Variants in SAMMSON observed in about 807,000 individuals in gnomAD.
The protein encoded by SAMMSON is long intergenic non-protein coding RNA 1212.
intron 3 of SAMMSON, among the ~76,000 whole-genome samples, chr3:70,059,471 C>T (rs2067179576): frequency 6.6e-6 from 1 of 152,066 alleles, no homozygotes; most frequent in Admixed American, 6.6e-5. Flanking sequence ...TCCCCAAAGA[C>T]AGAGAACCAG....
chr3:70,286,743 G>C (rs1014508042), intron 6 of SAMMSON, among the ~76,000 whole-genome samples: 17 of 152,144 alleles, frequency 1.1e-4, no homozygotes, highest in Non-Finnish European at 1.9e-4. Context: ...CTTGAGCAGT[G>C]GTTTGTAGTT....
intron 7 of SAMMSON, among the ~76,000 whole-genome samples, chr3:70,328,454 G>A (rs1396736216): frequency 3.3e-5 from 5 of 152,180 alleles, no homozygotes; most frequent in Non-Finnish European, 5.9e-5. Flanking sequence ...GCCTGGGCAT[G>A]AGGAGAAACA....
At chr3:70,080,204 A>G (rs1315748749) in intron 4 of SAMMSON, among the ~76,000 whole-genome samples, 2 of 152,232 alleles carry the variant, frequency 1.3e-5, no homozygotes, top group African/African-American at 4.8e-5. Context: ...AGGCCAAACG[A>G]GTTGTACAAC....
At chr3:70,141,033 T>C (rs573697991) in intron 4 of SAMMSON, among the ~76,000 whole-genome samples, 118 of 152,244 alleles carry the variant, frequency 7.8e-4, no homozygotes, top group African/African-American at 2.6e-3. Flanking sequence ...GTTTTTGTTT[T>C]TATTTTCTTT....
At chr3:70,139,707 G>A (rs1320898059) in intron 4 of SAMMSON, among the ~76,000 whole-genome samples, 1 of 152,118 alleles carries the variant, frequency 6.6e-6, no homozygotes, top group Admixed American at 6.5e-5. Flanking sequence ...GAAATTGCTC[G>A]GCCCCCTGGG....
intron 4 of SAMMSON, chr3:70,204,374 G>C (rs1223392258): frequency 2.0e-5 from 3 of 152,134 alleles, no homozygotes; most frequent in Non-Finnish European, 2.9e-5. Flanking sequence ...AATGGAGTGA[G>C]TCTGACTTAA....
chr3:70,195,639 C>T (rs1262943401), intron 4 of SAMMSON, among the ~76,000 whole-genome samples: 1 of 152,174 alleles, frequency 6.6e-6, no homozygotes, highest in Non-Finnish European at 1.5e-5. Flanking sequence ...AAAAAATTCC[C>T]TCAATTCTCC....
intron 4 of SAMMSON, among the ~76,000 whole-genome samples, chr3:70,105,854 C>A (rs2067365503): frequency 6.6e-6 from 1 of 152,114 alleles, no homozygotes; most frequent in Non-Finnish European, 1.5e-5. Context: ...ACACTCGAAT[C>A]AAACAATTTG....
At chr3:70,027,207 G>A (rs1041058198) in intron 3 of SAMMSON, among the ~76,000 whole-genome samples, 7 of 152,190 alleles carry the variant, frequency 4.6e-5, no homozygotes, top group African/African-American at 9.7e-5. Context: ...GTAATGGAGA[G>A]GGAAGCATTG....
At chr3:70,420,014 C>T (rs1160352639) in intron 2 of SAMMSON, among the ~76,000 whole-genome samples, 2 of 152,246 alleles carry the variant, frequency 1.3e-5, no homozygotes, top group East Asian at 3.9e-4. Context: ...TAACAATTTC[C>T]CAAAAACTCT....
intron 4 of SAMMSON, among the ~76,000 whole-genome samples, chr3:70,164,263 G>T (rs981012315): frequency 1.3e-5 from 2 of 151,848 alleles, no homozygotes; most frequent in Non-Finnish European, 1.5e-5. Flanking sequence ...TAATTTTTCT[G>T]AACCACAGTT....
intron 3 of SAMMSON, among the ~76,000 whole-genome samples, chr3:70,029,859 T>G (rs1337121502): frequency 6.6e-6 from 1 of 152,112 alleles, no homozygotes; most frequent in African/African-American, 2.4e-5. Context: ...TTGGTTGAAA[T>G]CCTTGCTTTT....
intron 7 of SAMMSON, among the ~76,000 whole-genome samples, chr3:70,305,995 T>C (rs932727547): frequency 6.6e-6 from 1 of 152,224 alleles, no homozygotes; most frequent in Admixed American, 6.5e-5. Flanking sequence ...ATAACCATGA[T>C]AACCAGTGTA....
At chr3:70,332,905 A>C (rs538871164) in intron 7 of SAMMSON, 1 of 152,346 alleles carries the variant, frequency 6.6e-6, no homozygotes, top group African/African-American at 2.4e-5. Flanking sequence ...GCACCAGGTA[A>C]GTTCTTAACA....
intron 9 of SAMMSON, among the ~76,000 whole-genome samples, chr3:70,384,467 T>C (rs1166733150): frequency 3.3e-5 from 5 of 151,974 alleles, no homozygotes; most frequent in Non-Finnish European, 7.4e-5. Flanking sequence ...CAGTCTTTAG[T>C]TGAGGTATTT....
chr3:70,081,933 G>T (rs2067269392), intron 4 of SAMMSON, among the ~76,000 whole-genome samples: 1 of 152,200 alleles, frequency 6.6e-6, no homozygotes, highest in Non-Finnish European at 1.5e-5. Context: ...AGGGTAAGGA[G>T]TGTAGCCAAA....
intron 6 of SAMMSON, among the ~76,000 whole-genome samples, chr3:70,273,962 C>T (rs568490686): frequency 1.7e-4 from 26 of 151,962 alleles, no homozygotes; most frequent in African/African-American, 6.0e-4. Flanking sequence ...GCACCCGGCC[C>T]AGAATTTTCT....
intron 9 of SAMMSON, among the ~76,000 whole-genome samples, chr3:70,374,779 C>A (rs1172865629): frequency 6.6e-6 from 1 of 152,178 alleles, no homozygotes; most frequent in Non-Finnish European, 1.5e-5. Context: ...TTGGCATTTG[C>A]TGTCATGACT....
At chr3:70,142,956 G>C (rs2067534003) in intron 4 of SAMMSON, among the ~76,000 whole-genome samples, 1 of 152,114 alleles carries the variant, frequency 6.6e-6, no homozygotes, top group African/African-American at 2.4e-5. Context: ...TCTCATTAGA[G>C]GGATTGTGAT....
Sources: allele counts gnomAD v4.1 joint callset (sites outside exome capture counted in the v4.1 genomes callset), GRCh38; gene constraint gnomAD v4.1.1; transcripts MANE v1.5; gene names NCBI Gene and HGNC (gene_info 2026-07-23, HGNC 2026-07-21).